ZFAT: variants seen among roughly 807,000 people sequenced by gnomAD.
ZFAT encodes the protein zinc finger protein ZFAT.
Under a neutral mutation model 117.7 loss-of-function variants are expected in ZFAT, and 64 were observed. The ratio of observed to expected loss-of-function variants is 0.54; its 90% CI spans 0.44 to 0.67. The LOEUF (loss-of-function observed/expected upper bound fraction) is 0.67. Ranked by LOEUF, ZFAT falls within the 30% of genes least tolerant of loss-of-function variation. ZFAT has a pLI of 0.00. For missense variants in ZFAT, 1,433 were observed against 1,584.5 expected (o/e 0.90, Z 1.62); for synonymous variants, 679 against 615.0 (o/e 1.10, Z -1.54).
the ZFAT span, among the ~76,000 whole-genome samples, chr8:134,722,369 G>T: frequency 6.6e-6 from 1 of 152,208 alleles, no homozygotes; most frequent in Non-Finnish European, 1.5e-5. Context: ...TCGCATTCAA[G>T]GGTGGCTCTC....
At chr8:134,811,249 C>T in the ZFAT span, among the ~76,000 whole-genome samples, 29 of 152,228 alleles carry the variant, frequency 1.9e-4, no homozygotes, top group Admixed American at 3.3e-4. Flanking sequence ...TTAAGATTAT[C>T]GTTTTTATAC....
At position 134,506,209 on chromosome 8, in the gene ZFAT, C is replaced by T. The variant is rs16905156; in HGVS notation, c.3492+3410G>A. On this transcript the variant is annotated intron_variant, in intron 15 of 15. Transcript: ENST00000377838. Reference sequence around the variant, plus strand: ...AAATTTCCTCCTCATAAAACCTTAACGCAAGATTTAACAACACTAACAAAA... The same window carrying T: ...AAATTTCCTCCTCATAAAACCTTAATGCAAGATTTAACAACACTAACAAAA... 9.3e-4 allele frequency among the ~76,000 whole-genome samples: 142 copies of T among 152,276 alleles called. 5 individuals carry two copies. The East Asian group carries it at 0.026, about 27-fold the overall frequency.
chr8:134,638,458 C>A (rs1430077884), intron 2 of ZFAT, among the ~76,000 whole-genome samples: 6 of 151,004 alleles, frequency 4.0e-5, no homozygotes, highest in Admixed American at 6.6e-5. Context: ...GTAATCCCAG[C>A]ACTTTGGGAG....
the ZFAT span, chr8:134,796,436 G>A: frequency 6.6e-6 from 1 of 152,234 alleles, no homozygotes; most frequent in African/African-American, 2.4e-5. Context: ...AGAACTGCTG[G>A]TTGTTGGTGG....
intron 7 of ZFAT, chr8:134,600,234 A>G: frequency 1.6e-6 from 1 of 616,966 alleles, no homozygotes; most frequent in South Asian, 2.0e-5. Context: ...ATTCCATCTA[A>G]TCTCTTTTTT....
chr8:134,640,652 G>A (rs1426700952), intron 2 of ZFAT, among the ~76,000 whole-genome samples: 1 of 152,140 alleles, frequency 6.6e-6, no homozygotes, highest in Non-Finnish European at 1.5e-5. Flanking sequence ...TTAATTCCAA[G>A]GCAAGGAAAA....
At chr8:134,637,791 G>A (rs1830316249) in intron 2 of ZFAT, 79 bp from the exon 3 acceptor site, 4 of 1,524,766 alleles carry the variant, frequency 2.6e-6, no homozygotes, top group Non-Finnish European at 3.5e-6. Flanking sequence ...CAAGTGTGAG[G>A]ATATGTTCAG....
At chr8:134,574,918 A>T (rs1825191021) in intron 10 of ZFAT, among the ~76,000 whole-genome samples, 1 of 152,046 alleles carries the variant, frequency 6.6e-6, no homozygotes. Context: ...ACTGACTTTT[A>T]CCCTTTCCAA....
intron 3 of ZFAT, 37 bp downstream of exon 3, chr8:134,637,424 A>T: frequency 6.3e-7 from 1 of 1,582,648 alleles, no homozygotes; most frequent in East Asian, 2.3e-5. Context: ...ACCTCTTCAT[A>T]AGAAATTGAC....
At position 134,581,592 on chromosome 8, in the gene ZFAT, AG is replaced by A. The variant is rs573884985; in HGVS notation, c.2887+2239del. Reference sequence around the variant, plus strand: ...GACTGATGCCTTTCTTTTTTTTGGCAGGGGGGGTGTAGGGAATGGGTCTCAC... The same window carrying A: ...GACTGATGCCTTTCTTTTTTTTGGCAGGGGGGTGTAGGGAATGGGTCTCAC... On this transcript the variant is annotated intron_variant, in intron 10 of 15. Transcript: ENST00000377838. Among the ~76,000 whole-genome samples, 16 of 151,636 alleles carry A rather than the reference AG, an allele frequency of 1.1e-4. No homozygotes were observed. In the South Asian group the frequency reaches 3.1e-3, roughly 30 times the overall value.
intron 11 of ZFAT, among the ~76,000 whole-genome samples, chr8:134,551,755 C>T (rs186697879): frequency 1.3e-5 from 2 of 152,340 alleles, no homozygotes; most frequent in East Asian, 3.9e-4. Flanking sequence ...ATCCAAACAT[C>T]ACCTTTGTTC....
At chr8:134,512,445 A>G in intron 14 of ZFAT, 30 bp downstream of exon 14, 1 of 1,610,516 alleles carries the variant, frequency 6.2e-7, no homozygotes, top group Non-Finnish European at 8.5e-7. Context: ...GACAGTTCTG[A>G]GATGGCAAAG....
chr8:134,655,390 G>A (rs13256725), intron 2 of ZFAT, among the ~76,000 whole-genome samples: 17,185 of 152,258 alleles, frequency 0.11, 1,128 homozygotes, highest in Non-Finnish European at 0.16. Flanking sequence ...GCTCACACCT[G>A]TAATCCCAGC....
the ZFAT span, among the ~76,000 whole-genome samples, chr8:134,743,346 G>A: frequency 6.6e-6 from 1 of 152,058 alleles, no homozygotes; most frequent in Non-Finnish European, 1.5e-5. Flanking sequence ...AAAATTAGCT[G>A]GGTCTGGTGA....
At chr8:134,762,405 G>A in the ZFAT span, among the ~76,000 whole-genome samples, 1 of 152,112 alleles carries the variant, frequency 6.6e-6, no homozygotes, top group Admixed American at 6.5e-5. Context: ...TCTTGTCAAG[G>A]TTGCCAATGG....
At chr8:134,751,475 A>G in the ZFAT span, among the ~76,000 whole-genome samples, 1 of 152,252 alleles carries the variant, frequency 6.6e-6, no homozygotes, top group East Asian at 1.9e-4. Context: ...AAACTGGGAC[A>G]GCAGCATGAA....
intron 1 of ZFAT, among the ~76,000 whole-genome samples, chr8:134,685,938 G>A (rs1272044620): frequency 2.0e-5 from 3 of 152,150 alleles, no homozygotes; most frequent in Admixed American, 1.3e-4. Context: ...GAGTTAAGTG[G>A]GCCAGGTAGG....
the ZFAT span, among the ~76,000 whole-genome samples, chr8:134,760,543 A>G: frequency 6.6e-6 from 1 of 152,326 alleles, no homozygotes; most frequent in African/African-American, 2.4e-5. Context: ...TCTCCCATAT[A>G]TTGGAGAAGT....
chr8:134,681,197 G>C (rs1586943348), intron 1 of ZFAT, among the ~76,000 whole-genome samples: 1 of 152,186 alleles, frequency 6.6e-6, no homozygotes, highest in Non-Finnish European at 1.5e-5. Context: ...GATCTGAAAG[G>C]CTGGCTATGG....
Sources: allele counts gnomAD v4.1 joint callset (sites outside exome capture counted in the v4.1 genomes callset), GRCh38; gene constraint gnomAD v4.1.1; transcripts MANE v1.5; gene names NCBI Gene and HGNC (gene_info 2026-07-23, HGNC 2026-07-21).